The following PAX7 variants were observed in gnomAD, a reference collection of about 807,000 sequenced individuals.
PAX7 encodes the protein paired box 7.
A neutral mutation model predicts 50.7 loss-of-function variants in PAX7; 18 were observed. The ratio of observed to expected loss-of-function variants is 0.36; its 90% CI spans 0.25 to 0.53. The LOEUF (loss-of-function observed/expected upper bound fraction) is 0.53, where lower values mean the gene tolerates loss of function less well. Ranked by LOEUF, PAX7 falls within the 20% of genes least tolerant of loss-of-function variation. The pLI, the probability that PAX7 is intolerant of heterozygous loss-of-function variation, is 0.93. For synonymous variants in PAX7, 310 were observed against 290.4 expected (o/e 1.07, Z -0.69); for missense variants, 644 against 702.9 (o/e 0.92, Z 0.95).
At chr1:18,649,209 G>A (rs931654951) in intron 4 of PAX7, among the ~76,000 whole-genome samples, 1 of 152,140 alleles carries the variant, frequency 6.6e-6, no homozygotes, top group Non-Finnish European at 1.5e-5. Flanking sequence ...AGTTATGTGC[G>A]GGTACAGGAG....
chr1:18,672,915 A>C (rs2236833), intron 4 of PAX7, among the ~76,000 whole-genome samples: 17,768 of 152,034 alleles, frequency 0.12, 1,231 homozygotes, highest in East Asian at 0.28. Flanking sequence ...GAGCACTGGT[A>C]TTTTATGAAG....
intron 4 of PAX7, among the ~76,000 whole-genome samples, chr1:18,654,635 T>C (rs2088485190): frequency 6.6e-6 from 1 of 152,182 alleles, no homozygotes; most frequent in South Asian, 2.1e-4. Flanking sequence ...AGGTAGCTTG[T>C]ACAAATTTGC....
chr1:18,705,837 CA>C (rs2089276606), intron 7 of PAX7, among the ~76,000 whole-genome samples: 2 of 152,172 alleles, frequency 1.3e-5, no homozygotes, highest in African/African-American at 2.4e-5. Context: ...GCCTCCAGCC[CA>C]TTCCTCAGGG....
intron 4 of PAX7, among the ~76,000 whole-genome samples, chr1:18,658,357 G>T (rs2088554595): frequency 6.6e-6 from 1 of 152,064 alleles, no homozygotes; most frequent in African/African-American, 2.4e-5. Flanking sequence ...AAGAGAAGGG[G>T]GTTCTGAAGC....
intron 4 of PAX7, among the ~76,000 whole-genome samples, chr1:18,645,421 C>A (rs917221932): frequency 6.6e-6 from 1 of 152,198 alleles, no homozygotes; most frequent in Non-Finnish European, 1.5e-5. Flanking sequence ...ATAAGTAGCT[C>A]GGAAAACTCC....
intron 4 of PAX7, among the ~76,000 whole-genome samples, chr1:18,672,615 TTTG>T (rs975652427): frequency 3.3e-5 from 5 of 149,698 alleles, no homozygotes; most frequent in African/African-American, 1.3e-4. Flanking sequence ...TTTTTTTTTT[TTTG>T]TGAGACTAAG....
At chr1:18,646,538 G>A (rs1490750311) in intron 4 of PAX7, among the ~76,000 whole-genome samples, 3 of 152,160 alleles carry the variant, frequency 2.0e-5, no homozygotes, top group African/African-American at 7.2e-5. Flanking sequence ...TGGTCAGCGG[G>A]TGCAGGCGGG....
At chr1:18,742,416 A>C (rs1243248688) in intron 8 of PAX7, among the ~76,000 whole-genome samples, 2 of 152,168 alleles carry the variant, frequency 1.3e-5, no homozygotes, top group African/African-American at 4.8e-5. Flanking sequence ...TTGGCCTCCC[A>C]AAGTGCTGGG....
At position 18,746,778 on chromosome 1, in the gene PAX7, A is replaced by G. The variant is rs977365568; in HGVS notation, c.*1849A>G. Reference sequence around the variant, plus strand: ...TTCTAGGACACTCACCTGCATGGACATCACCTCTGTGACAAATGCTTACCT... The same window carrying G: ...TTCTAGGACACTCACCTGCATGGACGTCACCTCTGTGACAAATGCTTACCT... On this transcript the variant is annotated 3_prime_UTR_variant, in exon 9 of 9. Transcript: ENST00000420770. 1 of 231,922 alleles carries G rather than the reference A, an allele frequency of 4.3e-6. No homozygotes were observed. Among genetic ancestry groups the G allele is most frequent in the Non-Finnish European group, 8.5e-6 (1 of 117,270 alleles). The allele number at this position is 231,922 out of a possible 1,614,324, so 14.4% of individuals were successfully genotyped here.
intron 4 of PAX7, among the ~76,000 whole-genome samples, chr1:18,661,002 G>A (rs559904276): frequency 1.3e-5 from 2 of 152,242 alleles, no homozygotes; most frequent in East Asian, 3.9e-4. Context: ...AGTGCTAGAG[G>A]GGAAAGTAAA....
chr1:18,716,504 G>GT (rs535796740), intron 7 of PAX7, among the ~76,000 whole-genome samples: 2,672 of 50,042 alleles, frequency 0.053, 93 homozygotes, highest in African/African-American at 0.14. Flanking sequence ...GTTGTTTTTT[G>GT]TTTTTTGTTT....
At chr1:18,642,079 C>CTT (rs550627745) in intron 4 of PAX7, among the ~76,000 whole-genome samples, 2 of 145,478 alleles carry the variant, frequency 1.4e-5, no homozygotes, top group African/African-American at 2.5e-5. Flanking sequence ...ATTATTTGGG[C>CTT]TTTTTTTTTT....
intron 7 of PAX7, among the ~76,000 whole-genome samples, chr1:18,711,867 G>T (rs2089355866): frequency 6.6e-6 from 1 of 152,140 alleles, no homozygotes; most frequent in Non-Finnish European, 1.5e-5. Context: ...GAAGCCGAAT[G>T]ACATTTTTCA....
intron 7 of PAX7, among the ~76,000 whole-genome samples, chr1:18,733,246 T>C (rs1227826252): frequency 6.6e-6 from 1 of 152,012 alleles, no homozygotes; most frequent in Non-Finnish European, 1.5e-5. Context: ...CACCCTCACA[T>C]ACCACTACCC....
At chr1:18,696,971 G>A (rs2089157552) in intron 5 of PAX7, among the ~76,000 whole-genome samples, 1 of 152,024 alleles carries the variant, frequency 6.6e-6, no homozygotes, top group South Asian at 2.1e-4. Context: ...ACCCCGATGT[G>A]ATTATTATAC....
chr1:18,724,123 C>T (rs768613503), intron 7 of PAX7, among the ~76,000 whole-genome samples: 43 of 152,166 alleles, frequency 2.8e-4, no homozygotes, highest in Non-Finnish European at 4.3e-4. Context: ...CAAGGAGTGG[C>T]GTCAGCGGGC....
intron 4 of PAX7, among the ~76,000 whole-genome samples, chr1:18,663,725 A>G (rs2088630927): frequency 6.6e-6 from 1 of 152,200 alleles, no homozygotes. Flanking sequence ...TCAATCCTCT[A>G]GGATAATTTG....
chr1:18,670,629 G>T (rs190387300), intron 4 of PAX7, among the ~76,000 whole-genome samples: 1 of 152,118 alleles, frequency 6.6e-6, no homozygotes, highest in African/African-American at 2.4e-5. Context: ...GCAGCCCCAG[G>T]CATCCGTCCG....
intron 8 of PAX7, among the ~76,000 whole-genome samples, chr1:18,741,639 C>G (rs1931141165): frequency 6.6e-6 from 1 of 152,178 alleles, no homozygotes; most frequent in Non-Finnish European, 1.5e-5. Context: ...AGCCCATCCA[C>G]AGGAATAGCT....
Sources: gnomAD v4.1 joint callset for allele counts (sites outside exome capture counted in the v4.1 genomes callset) on GRCh38, gnomAD v4.1.1 for gene constraint, MANE v1.5 for transcripts, NCBI Gene and HGNC (gene_info 2026-07-23, HGNC 2026-07-21) for gene names.